Variants in NAV1 observed in about 807,000 individuals in gnomAD.
The protein encoded by NAV1 is neuron navigator 1.
NAV1 carries 18 observed loss-of-function variants against 175.2 expected under a neutral mutation model. The observed-to-expected ratio is 0.10, with a 90% CI of 0.07 to 0.15. The LOEUF (loss-of-function observed/expected upper bound fraction) is 0.15, where lower values mean the gene tolerates loss of function less well. NAV1 is among the 10% of genes least tolerant of loss of function. NAV1 has a pLI of 1.00. For synonymous variants in NAV1, 897 were observed against 978.7 expected, an observed-to-expected ratio of 0.92 and a Z score of 1.56; for missense variants, 1,731 against 2,436.6, an observed-to-expected ratio of 0.71 and a Z score of 6.10.
chr1:201,621,331 T>C (rs1668161623), upstream of NAV1, among the ~76,000 whole-genome samples: 1 of 144,102 alleles, frequency 6.9e-6, no homozygotes. Context: ...TTCTTTTCTT[T>C]CTTTTTTTTT....
intron 1 of NAV1, among the ~76,000 whole-genome samples, chr1:201,688,649 C>T (rs1215571290): frequency 6.6e-6 from 1 of 152,164 alleles, no homozygotes; most frequent in Non-Finnish European, 1.5e-5. Flanking sequence ...CACCCGCCCC[C>T]ATCGAAAATA....
At chr1:201,620,453 C>CTTTTTTTTTTTTTTTT (rs71861939), upstream of NAV1, among the ~76,000 whole-genome samples, 1 of 94,552 alleles carries the variant, frequency 1.1e-5, no homozygotes, top group African/African-American at 5.1e-5. Context: ...GACATATACT[C>CTTTTTTTTTTTTTTTT]TTTTTTTTTT....
chr1:201,674,484 T>C (rs542385547), intron 1 of NAV1, among the ~76,000 whole-genome samples: 1 of 152,108 alleles, frequency 6.6e-6, no homozygotes, highest in Non-Finnish European at 1.5e-5. Flanking sequence ...GCAAAACATG[T>C]ATGTTAGGCC....
chr1:201,754,722 C>G (rs1221482636), intron 3 of NAV1, among the ~76,000 whole-genome samples: 1 of 152,146 alleles, frequency 6.6e-6, no homozygotes, highest in Non-Finnish European at 1.5e-5. Flanking sequence ...TCTGCTTTTA[C>G]CTTTTTAATC....
At chr1:201,565,994 A>G (rs1394924958) in intron 1 of NAV1, among the ~76,000 whole-genome samples, 1 of 152,144 alleles carries the variant, frequency 6.6e-6, no homozygotes, top group African/African-American at 2.4e-5. Context: ...CTTCCATGTC[A>G]AGGCTGGCGC....
At chr1:201,654,624 G>A (rs900828936) in intron 1 of NAV1, among the ~76,000 whole-genome samples, 5 of 152,230 alleles carry the variant, frequency 3.3e-5, no homozygotes, top group Admixed American at 2.0e-4. Flanking sequence ...CATAACTGCA[G>A]CTTAGCCACC....
intron 1 of NAV1, among the ~76,000 whole-genome samples, chr1:201,682,285 CAA>C (rs879936537): frequency 6.9e-6 from 1 of 144,080 alleles, no homozygotes; most frequent in African/African-American, 2.5e-5. Context: ...GACTCCATCT[CAA>C]AAAAAAAAAG....
Position 201,782,177 on chromosome 1 carries a change from C to G in NAV1, c.1665C>G (p.Gly555=), listed in dbSNP as rs772923046. 1.3e-6 allele frequency: 2 copies of G among 1,574,232 alleles called. No individual in the cohort carries two copies. The change falls in exon 6 of 30, where the codon GGC becomes GGG. Residue 555 remains glycine, a splice_region_variant and synonymous_variant. Transcript: ENST00000367296. This position sits in a 1 kb window ranked among gnomAD's most constrained non-coding sequence, Gnocchi z 5.4. ...TTCTCATTTCCCGTCCTCTTGCAGG[C>G]AAACCTGAGGGCAAAGCTACAGACA... is the stretch of plus-strand genomic sequence containing the variant.
At chr1:201,577,050 G>A (rs1369254774) in intron 1 of NAV1, among the ~76,000 whole-genome samples, 1 of 152,084 alleles carries the variant, frequency 6.6e-6, no homozygotes, top group East Asian at 1.9e-4. Flanking sequence ...GAGTGCAGTG[G>A]TGCCATCACA....
At chr1:201,758,374 G>A (rs74136665) in intron 3 of NAV1, among the ~76,000 whole-genome samples, 1,936 of 152,314 alleles carry the variant, frequency 0.013, 47 homozygotes, top group African/African-American at 0.043. Context: ...GGAAACTGTA[G>A]GAACCAACCT....
upstream of NAV1, among the ~76,000 whole-genome samples, chr1:201,619,267 C>T (rs1668089225): frequency 6.6e-6 from 1 of 152,254 alleles, no homozygotes; most frequent in Non-Finnish European, 1.5e-5. Context: ...GCTGGAAATT[C>T]AGCCAGCCCT....
At chr1:201,688,477 A>G (rs902662378) in intron 1 of NAV1, 3 of 152,232 alleles carry the variant, frequency 2.0e-5, no homozygotes, top group Non-Finnish European at 2.9e-5. Context: ...TTCTCTGAAT[A>G]AAGGTTTTAC....
rs1013613550 is a variant in NAV1, at chr1:201,777,079, T to C, written c.1227-3342T>C. On this transcript the variant is annotated intron_variant, in intron 3 of 29. Transcript: ENST00000367296. ...TTCTGTGGCTACCCAAAATCTCACA[T>C]GTAAAGATGGAATAAAGACATTTTA... Among the ~76,000 whole-genome samples the C allele has an allele frequency of 6.6e-5, 10 of 152,304 alleles. 1 individual carries two copies. The East Asian group carries it at 1.9e-3, about 29-fold the overall frequency.
intron 2 of NAV1, among the ~76,000 whole-genome samples, chr1:201,591,469 C>A (rs1188428249): frequency 1.3e-5 from 2 of 152,156 alleles, no homozygotes; most frequent in African/African-American, 2.4e-5. Context: ...CCCAGGTGCT[C>A]CCAGCCAGGT....
chr1:201,636,782 AAGG>A (rs1454916386), intron 2 of NAV1, among the ~76,000 whole-genome samples: 1 of 152,186 alleles, frequency 6.6e-6, no homozygotes, highest in Non-Finnish European at 1.5e-5. Flanking sequence ...GTGGAAGTGG[AAGG>A]AGAACAGCCT....
intron 2 of NAV1, among the ~76,000 whole-genome samples, chr1:201,615,325 C>A (rs912865123): frequency 3.3e-5 from 5 of 149,926 alleles, no homozygotes; most frequent in African/African-American, 1.2e-4. Flanking sequence ...AGTGCAGTAG[C>A]GCGATCTCAG....
chr1:201,704,004 G>A (rs1671556135), intron 1 of NAV1, among the ~76,000 whole-genome samples: 1 of 152,186 alleles, frequency 6.6e-6, no homozygotes, highest in South Asian at 2.1e-4. Context: ...GCCAGCTGGA[G>A]CCTCTTGGAA....
At chr1:201,802,999 C>T (rs1678036891) in intron 15 of NAV1, among the ~76,000 whole-genome samples, 1 of 152,206 alleles carries the variant, frequency 6.6e-6, no homozygotes, top group Non-Finnish European at 1.5e-5. Context: ...AAGTTCCCAT[C>T]TGAAAAATTT....
intron 1 of NAV1, among the ~76,000 whole-genome samples, chr1:201,552,883 T>C (rs1046702619): frequency 2.0e-5 from 3 of 152,154 alleles, no homozygotes; most frequent in African/African-American, 7.2e-5. Flanking sequence ...CAGGGGATGC[T>C]TCCCTGTCTG....
Sources: gnomAD v4.1 joint callset for allele counts (sites outside exome capture counted in the v4.1 genomes callset) on GRCh38, gnomAD v4.1.1 for gene constraint, Gnocchi (gnomAD v3.1) non-coding constraint, MANE v1.5 for transcripts, NCBI Gene and HGNC (gene_info 2026-07-23, HGNC 2026-07-21) for gene names.